Variants in MED20 observed in about 807,000 individuals in gnomAD.
MED20 encodes the protein mediator of RNA polymerase II transcription subunit 20.
MED20 carries 19 observed loss-of-function variants against 19.7 expected under a neutral mutation model. The ratio of observed to expected loss-of-function variants is 0.96; its 90% confidence interval spans 0.67 to 1.42. The LOEUF (loss-of-function observed/expected upper bound fraction) is 1.42, where lower values mean the gene tolerates loss of function less well. Ranked by LOEUF, MED20 falls within the 40% of genes most tolerant of loss-of-function variation. The pLI is 0.00. For synonymous variants in MED20, 105 were observed against 104.8 expected (o/e 1.00, Z -0.01); for missense variants, 225 against 273.0 (o/e 0.82, Z 1.24).
intron 2 of MED20, 105 bp from the exon 3 acceptor site, chr6:41,909,627 C>T (rs1330306505): frequency 1.7e-4 from 249 of 1,498,626 alleles, no homozygotes; most frequent in Non-Finnish European, 2.2e-4. Context: ...CAATCTGGCA[C>T]TACCTCAGCA....
chr6:41,906,837 A>G lies in MED20; in HGVS notation c.*235T>C. The G allele has an allele frequency of 1.9e-6, 1 of 527,120 alleles. No homozygotes were observed. Among genetic ancestry groups the G allele is most frequent in the Non-Finnish European group, 3.4e-6 (1 of 293,386 alleles). 32.7% of individuals were successfully genotyped at this position (527,120 alleles called of 1,614,324 possible). ...CTCTTCATAATTACCATTCTTGAGG[A>G]CAGGCCAAATCCAGTAAGGCACGGA... On this transcript the variant is annotated 3_prime_UTR_variant, in exon 4 of 4. Transcript: ENST00000265350.
chr6:41,907,866 T>C (rs1775096417), intron 3 of MED20, among the ~76,000 whole-genome samples: 3 of 152,108 alleles, frequency 2.0e-5, no homozygotes, highest in African/African-American at 7.2e-5. Context: ...CAGGGCAAAA[T>C]TACTGGCAAC....
At chr6:41,910,788 C>T (rs1031014420) in intron 2 of MED20, among the ~76,000 whole-genome samples, 2 of 151,652 alleles carry the variant, frequency 1.3e-5, no homozygotes, top group Non-Finnish European at 2.9e-5. Flanking sequence ...GATGTACAAG[C>T]AGAGGACTTA....
chr6:41,910,795 C>G (rs890421833), intron 2 of MED20, among the ~76,000 whole-genome samples: 8 of 151,756 alleles, frequency 5.3e-5, no homozygotes, highest in Admixed American at 1.3e-4. Context: ...AAGCAGAGGA[C>G]TTAGCCCCTG....
At chr6:41,916,724 A>G (rs1775323562) in intron 2 of MED20, 61 bp downstream of exon 2, 1 of 1,587,278 alleles carries the variant, frequency 6.3e-7, no homozygotes, top group Non-Finnish European at 8.6e-7. Context: ...ACTTCAATTA[A>G]CTCAAATGTC....
rs1775063023 is a variant in MED20, at chr6:41,906,876, T to C, written c.*196A>G. On this transcript the variant is annotated 3_prime_UTR_variant, in exon 4 of 4. Transcript: ENST00000265350. ...GTAAGGCACGGAGTAAAACAGCTGA[T>C]GGGGGGCTATGTGTGAGAGTCAGGG... The C allele has an allele frequency of 3.5e-6, 2 of 576,572 alleles. No homozygotes were observed. The highest frequency in any genetic ancestry group is 2.2e-5 in the South Asian group (1 of 46,292). 35.7% of individuals were successfully genotyped at this position (576,572 alleles called of 1,614,324 possible). A position where few individuals can be genotyped will look rare whatever the true frequency, so the allele number is the denominator to read the frequency against.
chr6:41,916,692 C>A, intron 2 of MED20, 93 bp downstream of exon 2: 2 of 1,491,382 alleles, frequency 1.3e-6, no homozygotes, highest in East Asian at 2.3e-5. Context: ...AAGAATACCA[C>A]CTTTAGCAGA....
In MED20 at chr6:41,907,248, TC is replaced by T. The variant is rs1433976919; in HGVS notation, c.462del (p.Trp154Ter). On this transcript the variant is annotated frameshift_variant, in exon 4 of 4. Transcript: ENST00000265350. LOFTEE classifies it high-confidence loss of function. Reference sequence around the variant, plus strand: ...CTCTGTAGGAACTCGAGCAGCAGACTCCAGCAGTCACTAGCTACCACACAGG... The same window carrying T: ...CTCTGTAGGAACTCGAGCAGCAGACTCAGCAGTCACTAGCTACCACACAGG... Reference protein sequence around the residue: ...YGPCVVASDCWSLLLEFLQSF... With the variant: ...YGPCVVASDCXSLLLEFLQSF... 1.2e-6 allele frequency: 2 copies of T among 1,613,812 alleles called. No individual in the cohort carries two copies. Among genetic ancestry groups the T allele is most frequent in the Non-Finnish European group, 1.7e-6 (2 of 1,179,952 alleles).
At chr6:41,916,966 G>A (rs774367486) in intron 1 of MED20, 27 bp from the exon 2 acceptor site, 1 of 1,612,796 alleles carries the variant, frequency 6.2e-7, no homozygotes, top group African/African-American at 1.3e-5. Flanking sequence ...CAAATCGTCA[G>A]TTATCCAGAG....
intron 1 of MED20, 108 bp downstream of exon 1, chr6:41,920,897 C>T: frequency 1.4e-6 from 2 of 1,438,046 alleles, no homozygotes; most frequent in Non-Finnish European, 1.9e-6. Flanking sequence ...CTACACAACC[C>T]GAGGACATCT....
In MED20 at chr6:41,916,800, T is replaced by A; in HGVS notation, c.154A>T (p.Thr52Ser). Residue 52 changes from threonine (T) to serine (S), a missense_variant, in exon 2 of 4, where the codon ACC (threonine) becomes TCC (serine). By Grantham distance (58) the Thr-to-Ser change is moderately conservative. Coordinates refer to ENST00000265350, the MANE Select transcript of MED20 (RefSeq NM_004275.5). Reference protein sequence around the residue: ...DCETYHTAASTLGSQGQTGKL... With the variant: ...DCETYHTAASSLGSQGQTGKL... ...TCTCACTGACCTTGGCTGCCAAGGG[T>A]AGAGGCGGCCGTATGGTAAGTCTCA... 6.2e-7 allele frequency: 1 copy of A among 1,613,998 alleles called. No homozygotes were observed. Among genetic ancestry groups the A allele is most frequent in the Non-Finnish European group, 8.5e-7 (1 of 1,179,962 alleles).
At chr6:41,908,764 C>T (rs1012774313) in intron 3 of MED20, among the ~76,000 whole-genome samples, 8 of 152,046 alleles carry the variant, frequency 5.3e-5, no homozygotes, top group African/African-American at 1.5e-4. Context: ...CCCAGCTTCC[C>T]GCTTCCTACT....
chr6:41,916,872 A>G lies in MED20; in HGVS notation c.82T>C (p.Leu28=), dbSNP rs201163704. 69 of 1,613,790 alleles carry G rather than the reference A, an allele frequency of 4.3e-5. No individual in the cohort carries two copies. Among genetic ancestry groups the G allele is most frequent in the Non-Finnish European group, 3.8e-5 (45 of 1,179,970 alleles). Residue 28 remains leucine (L), a synonymous_variant, in exon 2 of 4, where the codon TTG becomes CTG. Transcript: ENST00000265350. ...QQTVELLTRK[L]EMLGAEKQGT... is the part of the protein sequence containing the mutation. Reference sequence around the variant, plus strand: ...TGCTTCTCTGCCCCAAGCATCTCCAATTTCCGGGTAAGGAGCTCTACGGTT... The same window carrying G: ...TGCTTCTCTGCCCCAAGCATCTCCAGTTTCCGGGTAAGGAGCTCTACGGTT...
At chr6:41,913,914 T>C (rs1366071484) in intron 2 of MED20, among the ~76,000 whole-genome samples, 4 of 152,104 alleles carry the variant, frequency 2.6e-5, no homozygotes, top group Admixed American at 2.0e-4. Context: ...AAAAATTACA[T>C]GACAATCTCA....
intron 1 of MED20, 169 bp downstream of exon 1, chr6:41,920,834 ATC>A: frequency 1.5e-6 from 1 of 685,374 alleles, no homozygotes. Flanking sequence ...GAAGGGGCGC[ATC>A]TCTGAGGAAA....
chr6:41,912,118 A>C (rs926207348), intron 2 of MED20, among the ~76,000 whole-genome samples: 26 of 150,110 alleles, frequency 1.7e-4, no homozygotes, highest in Admixed American at 6.7e-5. Context: ...GCATGAACAC[A>C]GCTCACTGAA....
Position 41,907,124 on chromosome 6 carries a change from A to T in MED20, c.587T>A (p.Leu196His). 2 of 1,613,958 alleles carry T rather than the reference A, an allele frequency of 1.2e-6. No individual in the cohort carries two copies. Among genetic ancestry groups the T allele is most frequent in the Non-Finnish European group, 1.7e-6 (2 of 1,179,994 alleles). ...PADTMVQYME[L>H]FNKIRKQQQV... ...CTGCTGCTTGCGGATCTTGTTGAAG[A>T]GTTCCATGTACTGGACCATGGTATC... The change falls in exon 4 of 4, where the codon CTC becomes CAC. Residue 196 changes from leucine to histidine, a missense_variant. By Grantham distance (99) the Leu-to-His change is moderately conservative (BLOSUM62 -3). Transcript: ENST00000265350.
At chr6:41,920,957 C>A in intron 1 of MED20, 48 bp downstream of exon 1, 1 of 1,595,374 alleles carries the variant, frequency 6.3e-7, no homozygotes, top group Non-Finnish European at 8.5e-7. Flanking sequence ...CTCTTTCCGG[C>A]CTTTCACAAC....
rs1353501689 is a variant in MED20 at position 41,909,084 on chromosome 6, G to A, written c.423+185C>T. ...AGGTACTTGGGAGACTGAGGCGGAA[G>A]GATCACTTGAGCCCTGGAGGTCGAG... On this transcript the variant is annotated intron_variant, in intron 3 of 3. Transcript: ENST00000265350. 6 of 729,628 alleles carry A rather than the reference G, an allele frequency of 8.2e-6. No homozygotes were observed. The Admixed American group carries it at 1.4e-4, about 17-fold the overall frequency. The allele number at this position is 729,628 out of a possible 1,614,324, so 45.2% of individuals were successfully genotyped here.
Sources: gnomAD v4.1 joint callset for allele counts (sites outside exome capture counted in the v4.1 genomes callset) on GRCh38, gnomAD v4.1.1 for gene constraint, MANE v1.5 for transcripts, NCBI Gene and HGNC (gene_info 2026-07-23, HGNC 2026-07-21) for gene names.